Variants in DISP3 observed in about 807,000 individuals in gnomAD.
DISP3 encodes the protein protein dispatched homolog 3.
DISP3 carries 101 observed loss-of-function variants against 135.3 expected under a neutral mutation model. The observed-to-expected ratio is 0.75, with a 90% CI of 0.64 to 0.88. DISP3 has a LOEUF of 0.88. DISP3 is among the 40% of genes least tolerant of loss of function. The pLI, the probability that DISP3 is intolerant of heterozygous loss-of-function variation, is 0.00. For synonymous variants in DISP3, 856 were observed against 817.0 expected, an observed-to-expected ratio of 1.05 and a Z score of -0.81; for missense variants, 1,713 against 1,878.6, an observed-to-expected ratio of 0.91 and a Z score of 1.63.
intron 11 of DISP3, 108 bp from the exon 12 acceptor site, chr1:11,525,068 C>G (rs1642373104): frequency 7.2e-7 from 1 of 1,389,272 alleles, no homozygotes; most frequent in Admixed American, 1.8e-5. Context: ...GAGCCCAAGG[C>G]CAGGACTGAG....
chr1:11,532,389 G>A (rs893248511), intron 17 of DISP3, among the ~76,000 whole-genome samples: 1 of 152,230 alleles, frequency 6.6e-6, no homozygotes, highest in Non-Finnish European at 1.5e-5. Context: ...ATCTGTAGAA[G>A]AGCCCCTCTG....
intron 12 of DISP3, 139 bp from the exon 13 acceptor site, chr1:11,526,512 C>A: frequency 1.0e-6 from 1 of 968,078 alleles, no homozygotes; most frequent in Non-Finnish European, 1.6e-6. Flanking sequence ...CAAGCCTCTG[C>A]CCAGGGCTCT....
intron 12 of DISP3, among the ~76,000 whole-genome samples, chr1:11,526,001 CAG>C (rs1557618505): frequency 6.6e-6 from 1 of 152,166 alleles, no homozygotes; most frequent in Non-Finnish European, 1.5e-5. Flanking sequence ...TTTGTAGAGA[CAG>C]GGTCTCTCTG....
At chr1:11,505,528 G>T (rs188772687) in intron 3 of DISP3, among the ~76,000 whole-genome samples, 1 of 152,330 alleles carries the variant, frequency 6.6e-6, no homozygotes, top group Non-Finnish European at 1.5e-5. Flanking sequence ...CCATTAGAGC[G>T]TCACAGCAGT....
intron 1 of DISP3, among the ~76,000 whole-genome samples, chr1:11,481,063 T>TCA (rs56171241): frequency 0.3 from 43,947 of 144,554 alleles, 7,323 homozygotes; most frequent in African/African-American, 0.46. Flanking sequence ...TCTCTCTCTC[T>TCA]CACACACATA....
chr1:11,520,687 G>C lies in DISP3; in HGVS notation c.2201G>C (p.Gly734Ala), dbSNP rs1642160784. 2 of 1,613,042 alleles carry C rather than the reference G, an allele frequency of 1.2e-6. No homozygotes were observed. Among genetic ancestry groups the C allele is most frequent in the Non-Finnish European group, 1.7e-6 (2 of 1,179,806 alleles). Residue 734 changes from glycine (G) to alanine (A), a missense_variant and splice_region_variant, in exon 10 of 21, where the codon GGG becomes GCG. Physicochemically the swap from Gly to Ala is moderately conservative, Grantham distance 60 (BLOSUM62 0). Transcript: ENST00000294484. The surrounding 1 kb of genome is among the most constrained non-coding windows in gnomAD (Gnocchi z 4.8). ...SAVKSRWVIV[G>A]LFVSILILSL... The stretch of plus-strand genomic sequence containing the variant: ...CTGGTGTAGCGCCCTTTCCTCACAG[G>C]GCTGTTCGTCTCCATCCTCATCTTG...
intron 19 of DISP3, 135 bp downstream of exon 19, chr1:11,535,259 C>T: frequency 9.6e-7 from 1 of 1,044,048 alleles, no homozygotes; most frequent in Non-Finnish European, 1.4e-6. Context: ...AGGACTGTCT[C>T]TCCTGCATGT....
At chr1:11,502,450 G>T (rs530691012) in intron 2 of DISP3, among the ~76,000 whole-genome samples, 1 of 152,314 alleles carries the variant, frequency 6.6e-6, no homozygotes, top group South Asian at 2.1e-4. Flanking sequence ...AAATGATTGG[G>T]GTTGAAGAAG....
rs763742161 is a variant in DISP3, at chr1:11,529,860, G to A, written c.3003G>A (p.Val1001=). The change falls in exon 15 of 21, where the codon GTG becomes GTA. Residue 1001 remains valine (V), a synonymous_variant. Transcript: ENST00000294484. This position sits in a 1 kb window ranked among gnomAD's most constrained non-coding sequence, Gnocchi z 4.7. ...ACACGGGCTGCGGGAAGCCGGCGGT[G>A]CGGCCACTAGTGGATACCGGGGCCA... is the stretch of plus-strand genomic sequence containing the variant. ...CVNTGCGKPA[V]RPLVDTGAMV... is the part of the protein sequence containing the mutation. 4.3e-6 allele frequency: 7 copies of A among 1,613,926 alleles called. No individual in the cohort carries two copies. The Admixed American group carries it at 8.3e-5, about 19-fold the overall frequency.
intron 3 of DISP3, among the ~76,000 whole-genome samples, chr1:11,508,005 T>C (rs1641753277): frequency 6.6e-6 from 1 of 152,188 alleles, no homozygotes; most frequent in South Asian, 2.1e-4. Context: ...CTTTTTAAAG[T>C]CCTGTTTACA....
chr1:11,536,654 A>G lies in DISP3; in HGVS notation c.4147A>G (p.Lys1383Glu), dbSNP rs1318838925. The G allele has an allele frequency of 2.1e-5, 34 of 1,592,174 alleles. No individual in the cohort carries two copies. The highest frequency in any genetic ancestry group is 2.9e-5 in the Non-Finnish European group (34 of 1,170,466). Residue 1383 changes from lysine (K) to glutamate (E), a missense_variant, in exon 21 of 21, where the codon AAG (lysine) becomes GAG (glutamate). This residue lies in a region of DISP3 where 1,142 missense variants were observed against 1,384.6 expected (regional missense o/e 0.82). Transcript: ENST00000294484. The surrounding 1 kb of genome is among the most constrained non-coding windows in gnomAD (Gnocchi z 4.3). ...ACLVLLQSGY[K>E]IPLPAGASL ...CCTCGTGCTCCTGCAGAGCGGCTATAAGATTCCCCTGCCCGCAGGGGCCTC... is the reference window on the plus strand; with the variant it reads ...CCTCGTGCTCCTGCAGAGCGGCTATGAGATTCCCCTGCCCGCAGGGGCCTC...
rs749520950 is a variant in DISP3 at position 11,519,796 on chromosome 1, C to G, written c.2116C>G (p.Arg706Gly). Residue 706 changes from arginine (R) to glycine (G), a missense_variant, in exon 9 of 21, where the codon CGC (arginine) becomes GGC (glycine). Around this residue, in one of 2 missense-constraint regions of DISP3, gnomAD observed 1,142 missense variants for 1,384.6 expected, o/e 0.82. Coordinates refer to ENST00000294484, the MANE Select transcript of DISP3 (RefSeq NM_020780.2). The surrounding 1 kb of genome is among the most constrained non-coding windows in gnomAD (Gnocchi z 4.3). The part of the protein sequence containing the change: ...GLQPASNTGS[R>G]GHLIVQLQEL... The stretch of plus-strand genomic sequence containing the variant: ...GCAGCCAGCCTCCAACACGGGCAGC[C>G]GCGGCCATCTCATCGTGCAGCTGCA... 2.5e-6 allele frequency: 4 copies of G among 1,612,982 alleles called. No homozygotes were observed. Among genetic ancestry groups the G allele is most frequent in the Admixed American group, 3.3e-5 (2 of 60,010 alleles).
intron 10 of DISP3, among the ~76,000 whole-genome samples, chr1:11,522,628 A>T (rs374722918): frequency 8.2e-5 from 2 of 24,302 alleles, no homozygotes; most frequent in African/African-American, 3.3e-4. Flanking sequence ...ACCCAGCCAG[A>T]GCCCAGCCAG....
rs1642708067 is a variant in DISP3 at position 11,536,446 on chromosome 1, C to T, written c.3939C>T (p.Ala1313=). Reference sequence around the variant, plus strand: ...TGCCCCTCTTCTTCTGCATCATCGCCCCATTTGCCAAGTTCGGCAAGATTG... The same window carrying T: ...TGCCCCTCTTCTTCTGCATCATCGCTCCATTTGCCAAGTTCGGCAAGATTG... ...ATVPLFFCII[A]PFAKFGKIVA... is the part of the protein sequence containing the mutation. The change falls in exon 21 of 21, where the codon GCC becomes GCT. Residue 1313 remains alanine (A), a synonymous_variant. Transcript: ENST00000294484. This position sits in a 1 kb window ranked among gnomAD's most constrained non-coding sequence, Gnocchi z 4.3. 6.2e-7 allele frequency: 1 copy of T among 1,613,578 alleles called. No individual in the cohort carries two copies. Among genetic ancestry groups the T allele is most frequent in the African/African-American group, 1.3e-5 (1 of 74,942 alleles).
At position 11,501,577 on chromosome 1, in the gene DISP3, C is replaced by T. The variant is rs780588416; in HGVS notation, c.585C>T (p.Pro195=). ...PYRDTSAAQK[P]TANRSGRLRR... ...GGGACACTTCCGCGGCTCAAAAGCCCACAGCCAATCGGAGCGGGCGACTTC... is the reference window on the plus strand; with the variant it reads ...GGGACACTTCCGCGGCTCAAAAGCCTACAGCCAATCGGAGCGGGCGACTTC... Residue 195 remains proline, a synonymous_variant, in exon 2 of 21, where the codon CCC becomes CCT. Coordinates refer to ENST00000294484, the MANE Select transcript of DISP3 (RefSeq NM_020780.2). The surrounding 1 kb of genome is among the most constrained non-coding windows in gnomAD (Gnocchi z 4.9). 59 of 1,591,754 alleles carry T rather than the reference C, an allele frequency of 3.7e-5. No individual in the cohort carries two copies. The highest frequency in any genetic ancestry group is 1.7e-4 in the Middle Eastern group (1 of 5,988).
At chr1:11,509,550 T>C (rs1469999746) in intron 3 of DISP3, among the ~76,000 whole-genome samples, 2 of 152,190 alleles carry the variant, frequency 1.3e-5, no homozygotes, top group African/African-American at 4.8e-5. Context: ...TTCTGTTAGT[T>C]TTTACTTCAT....
chr1:11,514,269 A>G (rs886538399), intron 3 of DISP3, 121 bp from the exon 4 acceptor site: 3 of 1,239,524 alleles, frequency 2.4e-6, no homozygotes, highest in African/African-American at 3.0e-5. Context: ...TTGATATCCA[A>G]CCAAGGTAGA....
intron 13 of DISP3, among the ~76,000 whole-genome samples, chr1:11,528,414 T>C (rs1480772434): frequency 6.6e-6 from 1 of 152,142 alleles, no homozygotes; most frequent in Non-Finnish European, 1.5e-5. Context: ...TAGCCAAAGG[T>C]CTCCTCTCTC....
chr1:11,516,508 A>G lies in DISP3; in HGVS notation c.1749+347A>G, dbSNP rs896307235. Among the ~76,000 whole-genome samples, 1 of 152,210 alleles carries G rather than the reference A, an allele frequency of 6.6e-6. No homozygotes were observed. The highest frequency in any genetic ancestry group is 1.5e-5 in the Non-Finnish European group (1 of 68,036). On this transcript the variant is annotated intron_variant, in intron 6 of 20. Transcript: ENST00000294484. This position sits in a 1 kb window ranked among gnomAD's most constrained non-coding sequence, Gnocchi z 5.1. ...TACCATCCTATTTTCCAAAAAAGAA[A>G]CTTGGCCCCTGAGAGGTAAAGTGAC...
Sources: allele counts gnomAD v4.1 joint callset (sites outside exome capture counted in the v4.1 genomes callset), GRCh38; gene constraint gnomAD v4.1.1; regional missense constraint gnomAD v4.1.1; non-coding constraint Gnocchi (gnomAD v3.1); transcripts MANE v1.5; gene names NCBI Gene and HGNC (gene_info 2026-07-23, HGNC 2026-07-21).